The following DOCK1 variants were observed in gnomAD, a reference collection of about 807,000 sequenced individuals.
The protein encoded by DOCK1 is dedicator of cytokinesis 1.
A neutral mutation model predicts 262.7 loss-of-function variants in DOCK1; 138 were observed. The observed-to-expected ratio is 0.53, with a 90% CI of 0.46 to 0.61. The LOEUF (loss-of-function observed/expected upper bound fraction) is 0.61, where lower values mean the gene tolerates loss of function less well. Among genes scored for constraint, DOCK1 ranks in the 20% least tolerant of loss-of-function variants. DOCK1 has a pLI of 0.00. For missense variants in DOCK1, 1,908 were observed against 2,370.7 expected, an observed-to-expected ratio of 0.80 and a Z score of 4.05; for synonymous variants, 866 against 867.4, an observed-to-expected ratio of 1.00 and a Z score of 0.03.
rs1053350854 is a variant in DOCK1 at position 127,228,280 on chromosome 10, T to A, written c.2848-19728T>A. 4.6e-5 allele frequency among the ~76,000 whole-genome samples: 7 copies of A among 152,328 alleles called. No individual in the cohort carries two copies. In the Middle Eastern group the frequency reaches 0.01, roughly 222 times the overall value. Reference sequence around the variant, plus strand: ...GGGACCCACCTTCCCTCGTTCCTCATGGAATTTAGATGAATGTGCTCTTGC... The same window carrying A: ...GGGACCCACCTTCCCTCGTTCCTCAAGGAATTTAGATGAATGTGCTCTTGC... On this transcript the variant is annotated intron_variant, in intron 27 of 51. Transcript: ENST00000623213.
intron 46 of DOCK1, among the ~76,000 whole-genome samples, chr10:127,422,132 C>A (rs545569192): frequency 1.3e-4 from 20 of 150,724 alleles, no homozygotes; most frequent in African/African-American, 4.6e-4. Flanking sequence ...CTCTGCACCC[C>A]CAACAAGACT....
At chr10:127,353,872 G>A (rs1228004809) in intron 31 of DOCK1, among the ~76,000 whole-genome samples, 1 of 152,216 alleles carries the variant, frequency 6.6e-6, no homozygotes, top group Non-Finnish European at 1.5e-5. Flanking sequence ...AAGAACCACA[G>A]TGCGCTCTTC....
intron 27 of DOCK1, among the ~76,000 whole-genome samples, chr10:127,194,260 G>A (rs369583516): frequency 1.3e-5 from 2 of 152,160 alleles, no homozygotes; most frequent in African/African-American, 4.8e-5. Context: ...AACCAAATGC[G>A]CCTCTAATAA....
chr10:126,919,324 G>T (rs2032930657), intron 1 of DOCK1, among the ~76,000 whole-genome samples: 2 of 152,134 alleles, frequency 1.3e-5, no homozygotes, highest in South Asian at 4.1e-4. Flanking sequence ...TACCGATTTA[G>T]CAGGAAGGAA....
intron 23 of DOCK1, among the ~76,000 whole-genome samples, chr10:127,088,414 G>C (rs1013505615): frequency 6.6e-5 from 10 of 152,120 alleles, no homozygotes; most frequent in African/African-American, 2.4e-4. Context: ...AAGCTGTCCA[G>C]CTGCCTAGTG....
At chr10:127,307,723 A>G (rs1222975039) in intron 29 of DOCK1, among the ~76,000 whole-genome samples, 1 of 152,174 alleles carries the variant, frequency 6.6e-6, no homozygotes, top group African/African-American at 2.4e-5. Flanking sequence ...CCCCACTCTG[A>G]GTTCAGCGCA....
intron 25 of DOCK1, among the ~76,000 whole-genome samples, chr10:127,117,310 C>G (rs1008369788): frequency 6.6e-6 from 1 of 152,188 alleles, no homozygotes; most frequent in African/African-American, 2.4e-5. Flanking sequence ...CAGCCAGAAG[C>G]CTGGCAGGGA....
rs982336384 is a variant in DOCK1 at position 127,416,352 on chromosome 10, A to G, written c.4515+1114A>G. On this transcript the variant is annotated intron_variant, in intron 44 of 51. Transcript: ENST00000623213. ...CTTTGTAGCTAGTGAGGCATTGTAC[A>G]TGTGAGAGACAACAGAAGAGCAGGC... Among the ~76,000 whole-genome samples the G allele has an allele frequency of 3.3e-5, 5 of 152,318 alleles. No individual in the cohort carries two copies. The South Asian group carries it at 8.3e-4, about 25-fold the overall frequency.
At chr10:127,085,727 C>T in intron 23 of DOCK1, among the ~76,000 whole-genome samples, 1 of 151,984 alleles carries the variant, frequency 6.6e-6, no homozygotes, top group Non-Finnish European at 1.5e-5. Flanking sequence ...CACTGCACTC[C>T]AGCCTGGCAA....
At chr10:127,060,359 C>T (rs1239997268) in intron 22 of DOCK1, among the ~76,000 whole-genome samples, 1 of 152,092 alleles carries the variant, frequency 6.6e-6, no homozygotes, top group East Asian at 1.9e-4. Flanking sequence ...TTAAGCAAAC[C>T]CCATTTGAAA....
At chr10:126,927,464 G>T (rs1432534900) in intron 1 of DOCK1, among the ~76,000 whole-genome samples, 3 of 151,764 alleles carry the variant, frequency 2.0e-5, no homozygotes, top group Admixed American at 2.0e-4. Flanking sequence ...TTTGAGACAG[G>T]GTCTCACTCT....
intron 1 of DOCK1, among the ~76,000 whole-genome samples, chr10:126,953,274 G>T (rs2036470659): frequency 6.6e-6 from 1 of 150,600 alleles, no homozygotes; most frequent in Non-Finnish European, 1.5e-5. Context: ...GGTGGTGGTA[G>T]TGTTGTGGTG....
At chr10:127,188,657 G>A (rs1475482647) in intron 27 of DOCK1, among the ~76,000 whole-genome samples, 3 of 152,144 alleles carry the variant, frequency 2.0e-5, no homozygotes, top group African/African-American at 7.2e-5. Context: ...CCACCTGCTT[G>A]GATTTGAGTT....
intron 30 of DOCK1, among the ~76,000 whole-genome samples, chr10:127,343,061 A>G (rs959125194): frequency 1.3e-5 from 2 of 152,130 alleles, no homozygotes; most frequent in African/African-American, 4.8e-5. Context: ...CCTGGCCAAC[A>G]TGGTGAAACC....
chr10:126,911,596 G>A (rs552512513), intron 1 of DOCK1, among the ~76,000 whole-genome samples: 1 of 152,148 alleles, frequency 6.6e-6, no homozygotes, highest in African/African-American at 2.4e-5. Flanking sequence ...GGAGGCGCCC[G>A]AGGAGGGGTC....
chr10:127,057,382 G>A (rs2045232059), intron 22 of DOCK1, among the ~76,000 whole-genome samples: 1 of 152,176 alleles, frequency 6.6e-6, no homozygotes, highest in South Asian at 2.1e-4. Flanking sequence ...TTAAATTCCA[G>A]TATAATTGAC....
rs773370941 is a variant in DOCK1 at position 127,175,756 on chromosome 10, G to T, written c.2847+47992G>T. On this transcript the variant is annotated intron_variant, in intron 27 of 51. Coordinates refer to ENST00000623213, the MANE Select transcript of DOCK1 (RefSeq NM_001290223.2). This position sits in a 1 kb window ranked among gnomAD's most constrained non-coding sequence, Gnocchi z 6.3. ...TAATCGGGCTCTTCGGATGGAGGCC[G>T]AGTGGAGTTTTGGAGCGCAGCTTCT... 3.1e-6 allele frequency: 5 copies of T among 1,613,982 alleles called. No homozygotes were observed. In the Admixed American group the frequency reaches 5.0e-5, roughly 16 times the overall value.
intron 27 of DOCK1, among the ~76,000 whole-genome samples, chr10:127,165,175 A>G (rs1193480966): frequency 6.6e-6 from 1 of 152,182 alleles, no homozygotes; most frequent in Non-Finnish European, 1.5e-5. Context: ...ATTTTTTGCC[A>G]GTGGTTCTGA....
chr10:127,436,096 C>T (rs939801434), intron 48 of DOCK1, among the ~76,000 whole-genome samples: 2 of 152,146 alleles, frequency 1.3e-5, no homozygotes, highest in Admixed American at 6.5e-5. Flanking sequence ...ATATTTCTCA[C>T]CTAATGGATA....
Sources: allele counts gnomAD v4.1 joint callset (sites outside exome capture counted in the v4.1 genomes callset), GRCh38; gene constraint gnomAD v4.1.1; non-coding constraint Gnocchi (gnomAD v3.1); transcripts MANE v1.5; gene names NCBI Gene and HGNC (gene_info 2026-07-23, HGNC 2026-07-21).